The following PRKCQ variants were observed in gnomAD, a reference collection of about 807,000 sequenced individuals.
PRKCQ encodes the protein protein kinase C theta type.
In PRKCQ, 41 loss-of-function variants were observed where a neutral mutation model predicts 91.2. The observed-to-expected ratio is 0.45, with a 90% CI of 0.35 to 0.58. The LOEUF (loss-of-function observed/expected upper bound fraction) is 0.58, where lower values mean the gene tolerates loss of function less well. Among genes scored for constraint, PRKCQ ranks in the 20% least tolerant of loss-of-function variants. PRKCQ has a pLI of 0.00. For missense variants in PRKCQ, 673 were observed against 896.5 expected (o/e 0.75, Z 3.18); for synonymous variants, 307 against 316.9 (o/e 0.97, Z 0.33).
intron 14 of PRKCQ, 76 bp from the exon 15 acceptor site, chr10:6,456,888 G>A: frequency 2.6e-6 from 4 of 1,510,414 alleles, no homozygotes; most frequent in Non-Finnish European, 3.6e-6. Context: ...AGGAGGCGAG[G>A]GAGTTTGTCT....
At chr10:6,450,448 T>C (rs894578764) in intron 15 of PRKCQ, among the ~76,000 whole-genome samples, 6 of 152,150 alleles carry the variant, frequency 3.9e-5, no homozygotes, top group Admixed American at 1.3e-4. Flanking sequence ...GAGTGACCTA[T>C]AAAGAGACTT....
intron 1 of PRKCQ, among the ~76,000 whole-genome samples, chr10:6,565,719 T>C (rs376272074): frequency 1.3e-5 from 2 of 152,224 alleles, no homozygotes; most frequent in Admixed American, 6.5e-5. Context: ...GGGAGGAAAG[T>C]CCTTTTCATT....
intron 12 of PRKCQ, among the ~76,000 whole-genome samples, chr10:6,466,403 C>G (rs1194495670): frequency 6.6e-6 from 1 of 152,178 alleles, no homozygotes; most frequent in East Asian, 1.9e-4. Flanking sequence ...AGGGCACAGT[C>G]AGTGTTTACT....
At chr10:6,400,666 A>T in the PRKCQ span, among the ~76,000 whole-genome samples, 1 of 150,954 alleles carries the variant, frequency 6.6e-6, no homozygotes, top group South Asian at 2.1e-4. Flanking sequence ...TAGCTAGTAA[A>T]TTATATGGTT....
At chr10:6,547,287 C>T (rs372197849) in intron 1 of PRKCQ, among the ~76,000 whole-genome samples, 1 of 151,936 alleles carries the variant, frequency 6.6e-6, no homozygotes, top group Non-Finnish European at 1.5e-5. Context: ...GAATCAATAT[C>T]GTGAAAATGG....
At chr10:6,519,725 G>C (rs114366314) in intron 1 of PRKCQ, among the ~76,000 whole-genome samples, 1 of 152,260 alleles carries the variant, frequency 6.6e-6, no homozygotes, top group African/African-American at 2.4e-5. Context: ...TAATTTTAAT[G>C]CTACAACTGT....
the PRKCQ span, among the ~76,000 whole-genome samples, chr10:6,402,371 CAAAA>C: frequency 9.0e-5 from 6 of 66,572 alleles, no homozygotes; most frequent in African/African-American, 1.8e-4. Flanking sequence ...ATTTCAATGC[CAAAA>C]AAAAAAAAAA....
chr10:6,432,570 C>T (rs1165629107), intron 16 of PRKCQ, among the ~76,000 whole-genome samples: 1 of 152,134 alleles, frequency 6.6e-6, no homozygotes, highest in Non-Finnish European at 1.5e-5. Context: ...AAAGCCACTG[C>T]ACGGTGGAAA....
intron 1 of PRKCQ, among the ~76,000 whole-genome samples, chr10:6,529,120 C>A (rs1428145915): frequency 6.6e-6 from 1 of 152,196 alleles, no homozygotes; most frequent in African/African-American, 2.4e-5. Context: ...TTCTGCCATT[C>A]ATGCCTTTAG....
At chr10:6,539,201 A>T (rs1431758793) in intron 1 of PRKCQ, among the ~76,000 whole-genome samples, 3 of 152,094 alleles carry the variant, frequency 2.0e-5, no homozygotes, top group Non-Finnish European at 4.4e-5. Context: ...TTCACGACTC[A>T]TCAGTGAATC....
chr10:6,527,660 G>A (rs1273711739), intron 1 of PRKCQ, among the ~76,000 whole-genome samples: 1 of 152,102 alleles, frequency 6.6e-6, no homozygotes, highest in African/African-American at 2.4e-5. Flanking sequence ...TTTTTCCCCA[G>A]GAGACAGCGG....
At chr10:6,531,983 C>T (rs561900445) in intron 1 of PRKCQ, among the ~76,000 whole-genome samples, 19 of 152,256 alleles carry the variant, frequency 1.2e-4, no homozygotes, top group Non-Finnish European at 2.5e-4. Context: ...GCGCCTCCCT[C>T]GGTCCTCTTT....
At chr10:6,431,150 G>A (rs1833400050) in intron 16 of PRKCQ, among the ~76,000 whole-genome samples, 2 of 152,178 alleles carry the variant, frequency 1.3e-5, no homozygotes, top group South Asian at 4.1e-4. Flanking sequence ...TATCTTCTGA[G>A]GTGCATAGAC....
At chr10:6,446,793 T>G (rs1169503923) in intron 15 of PRKCQ, among the ~76,000 whole-genome samples, 3 of 152,220 alleles carry the variant, frequency 2.0e-5, no homozygotes, top group Admixed American at 1.3e-4. Flanking sequence ...GTCCTTGCTT[T>G]GACCCAAAGA....
intron 12 of PRKCQ, among the ~76,000 whole-genome samples, chr10:6,476,246 A>G (rs1836260004): frequency 6.6e-6 from 1 of 150,874 alleles, no homozygotes; most frequent in Non-Finnish European, 1.5e-5. Flanking sequence ...GAGCATACCT[A>G]TCTTCTACAA....
At chr10:6,547,530 A>C (rs1840007799) in intron 1 of PRKCQ, among the ~76,000 whole-genome samples, 1 of 151,954 alleles carries the variant, frequency 6.6e-6, no homozygotes, top group Non-Finnish European at 1.5e-5. Flanking sequence ...GTACCAAAAC[A>C]GAGATATAGA....
At chr10:6,434,408 T>C (rs1833591365) in intron 16 of PRKCQ, among the ~76,000 whole-genome samples, 1 of 152,222 alleles carries the variant, frequency 6.6e-6, no homozygotes. Flanking sequence ...AAATGTGTAA[T>C]GAGAAGAGCA....
intron 1 of PRKCQ, among the ~76,000 whole-genome samples, chr10:6,560,766 G>A (rs1379578866): frequency 6.6e-6 from 1 of 152,116 alleles, no homozygotes; most frequent in African/African-American, 2.4e-5. Flanking sequence ...GAGGCCAGGC[G>A]CGGTGTCTCA....
At chr10:6,409,824 G>C in the PRKCQ span, among the ~76,000 whole-genome samples, 1 of 152,108 alleles carries the variant, frequency 6.6e-6, no homozygotes, top group African/African-American at 2.4e-5. Context: ...AAAATAGCTA[G>C]AATTAAGATA....
Sources: gnomAD v4.1 joint callset for allele counts (sites outside exome capture counted in the v4.1 genomes callset) on GRCh38, gnomAD v4.1.1 for gene constraint, MANE v1.5 for transcripts, NCBI Gene and HGNC (gene_info 2026-07-23, HGNC 2026-07-21) for gene names.